Variants in CEP43 observed in about 807,000 individuals in gnomAD.
CEP43 encodes the protein FGFR1 oncogene partner.
CEP43 carries 36 observed loss-of-function variants against 52.6 expected under a neutral mutation model. The ratio of observed to expected loss-of-function variants is 0.68; its 90% CI spans 0.52 to 0.90. The LOEUF is 0.90. Ranked by LOEUF, CEP43 falls within the 40% of genes least tolerant of loss-of-function variation. The probability of loss-of-function intolerance (pLI) is 0.00; values close to 1 mark genes in which losing one functional copy is unlikely to be tolerated. For synonymous variants in CEP43, 192 were observed against 172.4 expected (o/e 1.11, Z -0.89); for missense variants, 506 against 472.8 (o/e 1.07, Z -0.65).
Position 167,039,987 on chromosome 6 carries a change from A to G in CEP43, c.*9A>G, listed in dbSNP as rs1210079261. ...TGGAAGATGTTGCATAGACACGAAG[A>G]AGGAAGTATTCTAATTAACAAGGAC... is the stretch of plus-strand genomic sequence containing the variant. On this transcript the variant is annotated 3_prime_UTR_variant, in exon 13 of 13. Coordinates refer to ENST00000366847, the MANE Select transcript of CEP43 (RefSeq NM_007045.4). The G allele has an allele frequency of 6.2e-7, 1 of 1,613,940 alleles. No homozygotes were observed. The highest frequency in any genetic ancestry group is 8.5e-7 in the Non-Finnish European group (1 of 1,179,996).
Position 167,000,102 on chromosome 6 carries a change from G to A in CEP43, c.145G>A (p.Glu49Lys). ...AAVFLALEEQEKVENKTPLVN... is the reference protein window; with the variant it reads ...AAVFLALEEQKKVENKTPLVN... ...TGTGTTTTTAGCACTAGAGGAGCAAGAAAAAGTAGAGGTATGAAGTTTCCA... is the reference window on the plus strand; with the variant it reads ...TGTGTTTTTAGCACTAGAGGAGCAAAAAAAAGTAGAGGTATGAAGTTTCCA... The change falls in exon 2 of 13, where the codon GAA becomes AAA. Residue 49 changes from glutamate (E) to lysine (K), a missense_variant. Glu to Lys is a moderately conservative substitution (Grantham distance 56, BLOSUM62 1). Transcript: ENST00000366847. The A allele has an allele frequency of 6.2e-7, 1 of 1,611,462 alleles. No homozygotes were observed. Among genetic ancestry groups the A allele is most frequent in the Non-Finnish European group, 8.5e-7 (1 of 1,178,550 alleles).
In CEP43 at chr6:167,041,458, T is replaced by C. The variant is rs1780692133; in HGVS notation, c.*1480T>C. ...CAGTCTCCTTCAGCTCTTCATGTCT[T>C]AGTAAACAGCACCACGTGCAGATGT... On this transcript the variant is annotated 3_prime_UTR_variant, in exon 13 of 13. Coordinates refer to ENST00000366847, the MANE Select transcript of CEP43 (RefSeq NM_007045.4). The C allele has an allele frequency of 1.9e-6, 2 of 1,059,650 alleles. No individual in the cohort carries two copies. The highest frequency in any genetic ancestry group is 2.3e-6 in the Non-Finnish European group (2 of 875,836). The allele number at this position is 1,059,650 out of a possible 1,614,324, so 65.6% of individuals were successfully genotyped here.
At position 167,040,312 on chromosome 6, in the gene CEP43, G is replaced by T. The variant is rs16899833; in HGVS notation, c.*334G>T. The T allele has an allele frequency of 1.3e-5, 19 of 1,438,372 alleles. No individual in the cohort carries two copies. The African/African-American group carries it at 2.3e-4, about 17-fold the overall frequency. 89.1% of individuals were successfully genotyped at this position (1,438,372 alleles called of 1,614,324 possible). On this transcript the variant is annotated 3_prime_UTR_variant, in exon 13 of 13. Coordinates refer to ENST00000366847, the MANE Select transcript of CEP43 (RefSeq NM_007045.4). ...AAGGTGTCAATAAAGCCGTAGGATCGCGCAACCCTTTGTGTGTGTGGCTGC... is the reference window on the plus strand; with the variant it reads ...AAGGTGTCAATAAAGCCGTAGGATCTCGCAACCCTTTGTGTGTGTGGCTGC...
In CEP43 at chr6:167,043,364, G is replaced by A. The variant is rs1780740123; in HGVS notation, c.*3386G>A. The A allele has an allele frequency of 6.9e-6, 1 of 144,802 alleles. No individual in the cohort carries two copies. Among genetic ancestry groups the A allele is most frequent in the East Asian group, 2.0e-4 (1 of 4,900 alleles). The allele number at this position is 144,802 out of a possible 1,614,324, so 9.0% of individuals were successfully genotyped here. A position where few individuals can be genotyped will look rare whatever the true frequency, so the allele number is the denominator to read the frequency against. ...CCTCCGAGCAGTCCGTGCTCCCAGT[G>A]TCCCTGTCCTCTTTTTTTTTTTTTT... is the stretch of plus-strand genomic sequence containing the variant. On this transcript the variant is annotated 3_prime_UTR_variant, in exon 13 of 13. Transcript: ENST00000366847.
At chr6:167,038,671 G>A (rs962982547) in intron 12 of CEP43, among the ~76,000 whole-genome samples, 5 of 152,124 alleles carry the variant, frequency 3.3e-5, no homozygotes, top group African/African-American at 9.7e-5. Context: ...AAAACATTGG[G>A]CTCTAAAGAT....
chr6:167,033,962 C>T lies in CEP43; in HGVS notation c.1116C>T (p.Thr372=), dbSNP rs771842040. 2 of 1,510,610 alleles carry T rather than the reference C, an allele frequency of 1.3e-6. No homozygotes were observed. The highest frequency in any genetic ancestry group is 1.2e-5 in the South Asian group (1 of 84,960). The allele number at this position is 1,510,610 out of a possible 1,614,324, so 93.6% of individuals were successfully genotyped here. The change falls in exon 12 of 13, where the codon ACC becomes ACT. Residue 372 remains threonine, a synonymous_variant. Coordinates refer to ENST00000366847, the MANE Select transcript of CEP43 (RefSeq NM_007045.4). ...DLSVEIDDIN[T]SDKLDDLTQD... ...CTGTGGAAATAGATGACATCAATACCAGTGATAAGGTATGGTGTTCTGCAT... is the reference window on the plus strand; with the variant it reads ...CTGTGGAAATAGATGACATCAATACTAGTGATAAGGTATGGTGTTCTGCAT...
At chr6:167,019,125 A>G (rs1031329356) in intron 7 of CEP43, among the ~76,000 whole-genome samples, 1 of 152,080 alleles carries the variant, frequency 6.6e-6, no homozygotes, top group Non-Finnish European at 1.5e-5. Flanking sequence ...TTTTTTGGAT[A>G]TTGTGTTTTT....
chr6:167,019,171 T>A (rs1780168088), intron 7 of CEP43, among the ~76,000 whole-genome samples: 1 of 152,248 alleles, frequency 6.6e-6, no homozygotes, highest in Non-Finnish European at 1.5e-5. Context: ...TTTTCCACTT[T>A]GTGATATTTT....
chr6:166,999,915 T>C lies in CEP43; in HGVS notation c.103-145T>C, dbSNP rs901142356. 9 of 633,730 alleles carry C rather than the reference T, an allele frequency of 1.4e-5. No individual in the cohort carries two copies. In the East Asian group the frequency reaches 2.0e-4, roughly 14 times the overall value. 39.3% of individuals were successfully genotyped at this position (633,730 alleles called of 1,614,324 possible). On this transcript the variant is annotated intron_variant, in intron 1 of 12. Transcript: ENST00000366847. ...CTGGGGGTCGGAGAGCTTGTGTGAC[T>C]GAGAACGTTTCGGAAGGCGTTTCTG... is the stretch of plus-strand genomic sequence containing the variant.
At chr6:167,000,200 G>C (rs1423854461) in intron 2 of CEP43, 87 bp downstream of exon 2, 1 of 1,005,894 alleles carries the variant, frequency 9.9e-7, no homozygotes, top group East Asian at 2.5e-5. Flanking sequence ...ATAGTTTATA[G>C]TAACATATAG....
chr6:167,036,346 A>T, intron 12 of CEP43: 1 of 985,374 alleles, frequency 1.0e-6, no homozygotes, highest in Non-Finnish European at 1.2e-6. Context: ...GTGTGAAGAG[A>T]CAGAATGTTG....
intron 10 of CEP43, chr6:167,028,262 TGGG>T: frequency 1.0e-6 from 1 of 985,370 alleles, no homozygotes; most frequent in Non-Finnish European, 1.2e-6. Context: ...TGTTTCTGAG[TGGG>T]GAGCTGCCGA....
At chr6:167,014,849 G>A (rs1395614978) in intron 7 of CEP43, among the ~76,000 whole-genome samples, 1 of 152,174 alleles carries the variant, frequency 6.6e-6, no homozygotes, top group African/African-American at 2.4e-5. Context: ...AGTTTAATTG[G>A]AGAGATGAGA....
rs1780697646 is a variant in CEP43 at position 167,041,645 on chromosome 6, G to A, written c.*1667G>A. The A allele has an allele frequency of 9.6e-6, 10 of 1,043,918 alleles. No individual in the cohort carries two copies. Among genetic ancestry groups the A allele is most frequent in the Non-Finnish European group, 1.0e-5 (9 of 865,786 alleles). 64.7% of individuals were successfully genotyped at this position (1,043,918 alleles called of 1,614,324 possible). A position where few individuals can be genotyped will look rare whatever the true frequency, so the allele number is the denominator to read the frequency against. On this transcript the variant is annotated 3_prime_UTR_variant, in exon 13 of 13. Transcript: ENST00000366847. ...TATTTGATAGGAACTAGGTTTCAGT[G>A]AAATGATTTGAAAGCATAGCAGGAT...
At chr6:167,025,675 A>C (rs2128665174) in intron 9 of CEP43, among the ~76,000 whole-genome samples, 1 of 152,358 alleles carries the variant, frequency 6.6e-6, no homozygotes, top group East Asian at 1.9e-4. Flanking sequence ...GGCACATAAG[A>C]GAGCCGGCCT....
At chr6:167,003,947 T>A in intron 4 of CEP43, 136 bp downstream of exon 4, 1 of 665,668 alleles carries the variant, frequency 1.5e-6, no homozygotes. Context: ...ATTATCTGTT[T>A]TTCTTAAAAG....
chr6:167,036,939 G>T (rs1021134305), intron 12 of CEP43: 16 of 178,144 alleles, frequency 9.0e-5, no homozygotes, highest in Non-Finnish European at 1.6e-4. Context: ...TGAGTAGCTA[G>T]GACCACAGGC....
chr6:167,040,436 G>T lies in CEP43; in HGVS notation c.*458G>T. 2 of 1,224,612 alleles carry T rather than the reference G, an allele frequency of 1.6e-6. No homozygotes were observed. Among genetic ancestry groups the T allele is most frequent in the Non-Finnish European group, 2.0e-6 (2 of 978,092 alleles). 75.9% of individuals were successfully genotyped at this position (1,224,612 alleles called of 1,614,324 possible). A position where few individuals can be genotyped will look rare whatever the true frequency, so the allele number is the denominator to read the frequency against. ...ATATTAGGTGGTTCTACACATAGTT[G>T]GCAAAATGACTTGGTAAATTTGTAA... On this transcript the variant is annotated 3_prime_UTR_variant, in exon 13 of 13. Coordinates refer to ENST00000366847, the MANE Select transcript of CEP43 (RefSeq NM_007045.4).
chr6:167,010,786 T>C (rs1392980552), intron 5 of CEP43, 27 bp from the exon 6 acceptor site: 2 of 1,229,456 alleles, frequency 1.6e-6, no homozygotes, highest in Admixed American at 2.9e-5. Flanking sequence ...TTTAAATGTA[T>C]TTTAATTTTA....
Sources: allele counts gnomAD v4.1 joint callset (sites outside exome capture counted in the v4.1 genomes callset), GRCh38; gene constraint gnomAD v4.1.1; transcripts MANE v1.5; gene names NCBI Gene and HGNC (gene_info 2026-07-23, HGNC 2026-07-21).